The following THSD7B variants were observed in gnomAD, a reference collection of about 807,000 sequenced individuals.
THSD7B encodes thrombospondin type 1 domain containing 7B, also known as thrombospondin type-1 domain-containing protein 7B.
A neutral mutation model predicts 213.6 loss-of-function variants in THSD7B; 138 were observed. The ratio of observed to expected loss-of-function variants is 0.65; its 90% CI spans 0.56 to 0.74. The LOEUF (loss-of-function observed/expected upper bound fraction) is 0.74. Among genes scored for constraint, THSD7B ranks in the 30% least tolerant of loss-of-function variants. THSD7B has a pLI of 0.00. For synonymous variants in THSD7B, 742 were observed against 687.0 expected, an observed-to-expected ratio of 1.08 and a Z score of -1.25; for missense variants, 1,931 against 1,991.5, an observed-to-expected ratio of 0.97 and a Z score of 0.58.
At chr2:137,628,080 T>C (rs1251782388) in intron 20 of THSD7B, among the ~76,000 whole-genome samples, 3 of 152,230 alleles carry the variant, frequency 2.0e-5, no homozygotes, top group Non-Finnish European at 4.4e-5. Flanking sequence ...TGAAATTAAG[T>C]ATTTGAAGAC....
intron 12 of THSD7B, among the ~76,000 whole-genome samples, chr2:137,291,517 A>G (rs6728076): frequency 0.46 from 70,184 of 151,984 alleles, 16,336 homozygotes; most frequent in South Asian, 0.57. Flanking sequence ...GCAAAAATAC[A>G]ATGAACAAAA....
intron 2 of THSD7B, among the ~76,000 whole-genome samples, chr2:136,956,681 T>C (rs7568685): frequency 0.069 from 10,290 of 149,310 alleles, 599 homozygotes; most frequent in African/African-American, 0.15. Flanking sequence ...ATTTTTTTTC[T>C]TTTCTTTTTT....
chr2:137,583,208 GT>G (rs1174674446), intron 17 of THSD7B, among the ~76,000 whole-genome samples: 1 of 152,044 alleles, frequency 6.6e-6, no homozygotes, highest in African/African-American at 2.4e-5. Context: ...TTGTAAATTT[GT>G]TTGAGTTCTT....
chr2:137,189,802 C>A (rs1680622195), intron 7 of THSD7B, among the ~76,000 whole-genome samples: 1 of 152,100 alleles, frequency 6.6e-6, no homozygotes, highest in African/African-American at 2.4e-5. Flanking sequence ...CTATTTCACA[C>A]AAACTTCTTA....
intron 1 of THSD7B, among the ~76,000 whole-genome samples, chr2:136,823,649 A>T (rs1368810017): frequency 6.6e-6 from 1 of 152,052 alleles, no homozygotes; most frequent in Non-Finnish European, 1.5e-5. Context: ...ATCTCATTTT[A>T]GCCAATTTAT....
chr2:137,346,624 C>T (rs1684883040), intron 12 of THSD7B, among the ~76,000 whole-genome samples: 1 of 151,656 alleles, frequency 6.6e-6, no homozygotes, highest in Non-Finnish European at 1.5e-5. Flanking sequence ...TTCCAGAGTG[C>T]TCTATGTCTA....
intron 5 of THSD7B, among the ~76,000 whole-genome samples, chr2:137,140,829 A>G (rs1679571499): frequency 6.6e-6 from 1 of 152,200 alleles, no homozygotes; most frequent in Non-Finnish European, 1.5e-5. Flanking sequence ...CAAAAAAGGA[A>G]TAAGTGTGAT....
intron 1 of THSD7B, among the ~76,000 whole-genome samples, chr2:136,828,575 C>T (rs919945666): frequency 3.3e-5 from 5 of 152,180 alleles, no homozygotes; most frequent in Non-Finnish European, 5.9e-5. Flanking sequence ...CCTACAAGGA[C>T]CTGTATGCCT....
intron 1 of THSD7B, among the ~76,000 whole-genome samples, chr2:136,863,425 C>T (rs1327641056): frequency 6.6e-6 from 1 of 152,176 alleles, no homozygotes; most frequent in Non-Finnish European, 1.5e-5. Flanking sequence ...TTAGGTGTGT[C>T]AGCTTTTCAC....
chr2:137,304,305 C>CA (rs1156777769), intron 12 of THSD7B, among the ~76,000 whole-genome samples: 1 of 151,956 alleles, frequency 6.6e-6, no homozygotes, highest in Admixed American at 6.5e-5. Flanking sequence ...TTAAATAATG[C>CA]AAAAAATATC....
At chr2:137,619,686 A>C (rs572287710) in intron 19 of THSD7B, among the ~76,000 whole-genome samples, 3 of 152,372 alleles carry the variant, frequency 2.0e-5, no homozygotes, top group African/African-American at 7.2e-5. Flanking sequence ...ACTATTCATT[A>C]ATAGAAAGTC....
chr2:137,482,163 G>C (rs1350114475), intron 15 of THSD7B, among the ~76,000 whole-genome samples: 2 of 143,420 alleles, frequency 1.4e-5, no homozygotes, highest in Non-Finnish European at 3.0e-5. Flanking sequence ...CTGGGTGGCA[G>C]AGCAAGACTC....
chr2:137,506,986 G>A (rs780103445), intron 15 of THSD7B, among the ~76,000 whole-genome samples: 5 of 152,170 alleles, frequency 3.3e-5, no homozygotes, highest in Non-Finnish European at 7.3e-5. Context: ...AGAAAGTTTT[G>A]TTTACTTCAG....
In THSD7B at chr2:137,359,383, G is replaced by A. The variant is rs374423852; in HGVS notation, c.2501-46230G>A. The stretch of plus-strand genomic sequence containing the variant: ...AAGACCAGCTTTATCTTAAAATAGT[G>A]TGAGAGTTAAACTAGGCACAAAAGA... On this transcript the variant is annotated intron_variant, in intron 12 of 27. Transcript: ENST00000409968. Among the ~76,000 whole-genome samples the A allele has an allele frequency of 6.6e-5, 10 of 152,302 alleles. No homozygotes were observed. The East Asian group carries it at 7.7e-4, about 12-fold the overall frequency.
intron 1 of THSD7B, among the ~76,000 whole-genome samples, chr2:136,850,565 C>T (rs1228183496): frequency 2.6e-5 from 4 of 151,520 alleles, no homozygotes; most frequent in Non-Finnish European, 4.4e-5. Flanking sequence ...AAATGGCAGG[C>T]ATTTTAAACT....
In THSD7B at chr2:136,780,615, G is replaced by T. The variant is rs566507160; in HGVS notation, c.-36+14928G>T. Among the ~76,000 whole-genome samples the T allele has an allele frequency of 1.5e-4, 23 of 152,266 alleles. No homozygotes were observed. The South Asian group carries it at 3.7e-3, about 25-fold the overall frequency. On this transcript the variant is annotated intron_variant, in intron 1 of 27. Transcript: ENST00000409968. ...TGTTGACTTTTCATTTTCACTGTAT[G>T]TACGGAACTTCCCCCTCCCTAAATT... is the stretch of plus-strand genomic sequence containing the variant.
At chr2:137,128,843 G>A (rs1158138720) in intron 5 of THSD7B, among the ~76,000 whole-genome samples, 1 of 152,172 alleles carries the variant, frequency 6.6e-6, no homozygotes, top group Non-Finnish European at 1.5e-5. Flanking sequence ...AAGTTTCAGA[G>A]GTTGGAAAGC....
intron 10 of THSD7B, among the ~76,000 whole-genome samples, chr2:137,256,591 A>G (rs927698146): frequency 8.5e-5 from 13 of 152,214 alleles, no homozygotes; most frequent in African/African-American, 3.1e-4. Flanking sequence ...AGAGATATGC[A>G]GGTACCCGCT....
chr2:137,003,936 T>C lies in THSD7B; in HGVS notation c.140-52484T>C, dbSNP rs1356358330. On this transcript the variant is annotated intron_variant, in intron 2 of 27. Transcript: ENST00000409968. The stretch of plus-strand genomic sequence containing the variant: ...ATTTTTTCTATACTATGTTACTTTT[T>C]GGTGCTAAAAATGTTATAAAAACCC... 5.9e-5 allele frequency among the ~76,000 whole-genome samples: 9 copies of C among 152,200 alleles called. 1 individual carries two copies.
Sources: gnomAD v4.1 joint callset for allele counts (sites outside exome capture counted in the v4.1 genomes callset) on GRCh38, gnomAD v4.1.1 for gene constraint, MANE v1.5 for transcripts, NCBI Gene and HGNC (gene_info 2026-07-23, HGNC 2026-07-21) for gene names.